C8A: variants seen among roughly 807,000 people sequenced by gnomAD.
C8A encodes the protein complement C8 alpha chain, also known as complement component C8 alpha chain.
C8A carries 67 observed loss-of-function variants against 65.3 expected under a neutral mutation model. That is an observed-to-expected ratio of 1.03 (90% confidence interval 0.84 to 1.26). C8A has a LOEUF of 1.26. C8A is among the 50% of genes most tolerant of loss of function. The probability of loss-of-function intolerance (pLI) is 0.00; values close to 1 mark genes in which losing one functional copy is unlikely to be tolerated. For missense variants in C8A, 781 were observed against 723.9 expected (o/e 1.08, Z -0.90); for synonymous variants, 290 against 259.4 (o/e 1.12, Z -1.13).
Position 56,908,119 on chromosome 1 carries a change from T to C in C8A, c.1380+6T>C, listed in dbSNP as rs1431751390. On this transcript the variant is annotated splice_donor_region_variant and intron_variant, in intron 9 of 10. Transcript: ENST00000361249. ...CTGTTGTTATCGATTTTGAGGTAAG[T>C]CTTTTCGCAGTTGAAGAAACTCTAC... 6.2e-7 allele frequency: 1 copy of C among 1,613,888 alleles called. No individual in the cohort carries two copies. Among genetic ancestry groups the C allele is most frequent in the South Asian group, 1.1e-5 (1 of 91,078 alleles).
Position 56,855,488 on chromosome 1 carries a change from G to A in C8A, c.77+510G>A, listed in dbSNP as rs192593839. Among the ~76,000 whole-genome samples, 1,321 of 152,180 alleles carry A rather than the reference G, an allele frequency of 8.7e-3. 49 individuals carry two copies. The South Asian group carries it at 0.12, about 13-fold the overall frequency. ...TGTGTTCAAAATCACTGTGGGGAAG[G>A]CAAAGGACTATAGAGATGCTGGGTC... On this transcript the variant is annotated intron_variant, in intron 1 of 10. Coordinates refer to ENST00000361249, the MANE Select transcript of C8A (RefSeq NM_000562.3).
At position 56,906,828 on chromosome 1, in the gene C8A, G is replaced by A. The variant is rs755144950; in HGVS notation, c.1222+36G>A. ...AGTAATAGATCTCCCAAAAAGAGAA[G>A]CCAGGCTTTCCTTTGGACACACACT... is the stretch of plus-strand genomic sequence containing the variant. On this transcript the variant is annotated intron_variant, in intron 8 of 10. Coordinates refer to ENST00000361249, the MANE Select transcript of C8A (RefSeq NM_000562.3). The A allele has an allele frequency of 2.5e-6, 4 of 1,613,604 alleles. No homozygotes were observed. In the South Asian group the frequency reaches 3.3e-5, roughly 13 times the overall value.
At chr1:56,904,129 A>T (rs1489437297) in intron 7 of C8A, among the ~76,000 whole-genome samples, 1 of 151,856 alleles carries the variant, frequency 6.6e-6, no homozygotes, top group Non-Finnish European at 1.5e-5. Flanking sequence ...CCAGACCCCC[A>T]CCTCCAACTC....
chr1:56,911,669 C>T (rs1644507790), intron 9 of C8A, among the ~76,000 whole-genome samples: 1 of 152,204 alleles, frequency 6.6e-6, no homozygotes, highest in African/African-American at 2.4e-5. Context: ...AAGAATTATC[C>T]AACTTGATAC....
At chr1:56,862,124 T>A (rs1179049520) in intron 1 of C8A, among the ~76,000 whole-genome samples, 2 of 152,222 alleles carry the variant, frequency 1.3e-5, no homozygotes, top group South Asian at 4.1e-4. Flanking sequence ...ATGTGTGACG[T>A]TGACAAGGTT....
intron 7 of C8A, among the ~76,000 whole-genome samples, chr1:56,888,204 G>A (rs1229485391): frequency 6.6e-6 from 1 of 152,104 alleles, no homozygotes; most frequent in Non-Finnish European, 1.5e-5. Flanking sequence ...TATCATGCCT[G>A]CCACTTTTCT....
At chr1:56,910,388 G>T (rs1033642012) in intron 9 of C8A, among the ~76,000 whole-genome samples, 4 of 152,066 alleles carry the variant, frequency 2.6e-5, no homozygotes, top group African/African-American at 9.7e-5. Context: ...AAGCTCTAAC[G>T]TCCCAAGATC....
chr1:56,889,644 T>G (rs1357569202), intron 7 of C8A, among the ~76,000 whole-genome samples: 1 of 152,176 alleles, frequency 6.6e-6, no homozygotes, highest in Admixed American at 6.6e-5. Context: ...TCCTGTGTGG[T>G]GAACATTCAT....
chr1:56,856,128 A>G (rs937347253), intron 1 of C8A, among the ~76,000 whole-genome samples: 55 of 152,236 alleles, frequency 3.6e-4, no homozygotes, highest in East Asian at 1.9e-3. Context: ...GAACCAATTA[A>G]ATACTTTACA....
At chr1:56,895,443 G>A (rs1644380875) in intron 7 of C8A, among the ~76,000 whole-genome samples, 1 of 152,114 alleles carries the variant, frequency 6.6e-6, no homozygotes, top group Non-Finnish European at 1.5e-5. Context: ...ATTACTTGGT[G>A]AAGTCAAACT....
At chr1:56,864,003 G>A (rs1022841995) in intron 1 of C8A, among the ~76,000 whole-genome samples, 5 of 151,980 alleles carry the variant, frequency 3.3e-5, no homozygotes, top group Non-Finnish European at 5.9e-5. Flanking sequence ...ATAGGTGCTG[G>A]GAACTCTGTA....
intron 7 of C8A, among the ~76,000 whole-genome samples, chr1:56,905,858 T>G (rs150809192): frequency 1.1e-3 from 171 of 152,354 alleles, no homozygotes; most frequent in African/African-American, 4.0e-3. Context: ...TCTAGTTTTA[T>G]CTTGCCAGGC....
At chr1:56,856,536 G>C (rs1255731304) in intron 1 of C8A, among the ~76,000 whole-genome samples, 2 of 152,040 alleles carry the variant, frequency 1.3e-5, no homozygotes, top group Non-Finnish European at 2.9e-5. Flanking sequence ...GGATCTTTCT[G>C]ATCAGTCAGA....
At position 56,875,063 on chromosome 1, in the gene C8A, T is replaced by A. The variant is rs748481316; in HGVS notation, c.286T>A (p.Cys96Ser). ...SSTTCVRQAQ[C>S]GQDFQCKETG... ...TACAACTTGTGTAAGGCAAGCACAG[T>A]GTGGACAGGATTTCCAGTGTAAGGA... is the stretch of plus-strand genomic sequence containing the variant. Residue 96 changes from cysteine to serine, a missense_variant, in exon 3 of 11, where the codon TGT (cysteine) becomes AGT (serine). Transcript: ENST00000361249. 2.2e-5 allele frequency: 35 copies of A among 1,613,548 alleles called. No homozygotes were observed. The South Asian group carries it at 3.5e-4, about 16-fold the overall frequency.
rs147757910 is a variant in C8A at position 56,916,275 on chromosome 1, G to A, written c.1604-1290G>A. 1.3e-3 allele frequency among the ~76,000 whole-genome samples: 191 copies of A among 152,328 alleles called. 1 individual carries two copies. The highest frequency in any genetic ancestry group is 3.9e-3 in the African/African-American group (164 of 41,576). ...TAGTTCATTGCAGGCAGCTCATGGCGCTCCATCAACCTGGTTCAAAGCAAG... is the reference window on the plus strand; with the variant it reads ...TAGTTCATTGCAGGCAGCTCATGGCACTCCATCAACCTGGTTCAAAGCAAG... On this transcript the variant is annotated intron_variant, in intron 10 of 10. Coordinates refer to ENST00000361249, the MANE Select transcript of C8A (RefSeq NM_000562.3).
intron 7 of C8A, 118 bp from the exon 8 acceptor site, chr1:56,906,549 A>G: frequency 1.7e-6 from 2 of 1,179,352 alleles, no homozygotes; most frequent in Non-Finnish European, 2.5e-6. Context: ...CGGGCTTTCA[A>G]CCCAGGCCTT....
At chr1:56,877,216 G>A (rs1644206804) in intron 4 of C8A, among the ~76,000 whole-genome samples, 1 of 152,174 alleles carries the variant, frequency 6.6e-6, no homozygotes, top group Non-Finnish European at 1.5e-5. Context: ...CCAGAACCAT[G>A]AGAAAATAAA....
chr1:56,874,713 G>A (rs1277057696), intron 2 of C8A, among the ~76,000 whole-genome samples: 1 of 152,202 alleles, frequency 6.6e-6, no homozygotes, highest in African/African-American at 2.4e-5. Flanking sequence ...GAAATATCTT[G>A]TCCAGGCCTT....
At chr1:56,902,667 T>C (rs1001545791) in intron 7 of C8A, among the ~76,000 whole-genome samples, 1 of 152,118 alleles carries the variant, frequency 6.6e-6, no homozygotes, top group African/African-American at 2.4e-5. Context: ...CCCCAGCCCC[T>C]GGCAACAACC....
Sources: allele counts gnomAD v4.1 joint callset (sites outside exome capture counted in the v4.1 genomes callset), GRCh38; gene constraint gnomAD v4.1.1; transcripts MANE v1.5; gene names NCBI Gene and HGNC (gene_info 2026-07-23, HGNC 2026-07-21).